Variants in HNF1A observed in about 807,000 individuals in gnomAD.
HNF1A encodes the protein HNF1 homeobox A, also known as hepatocyte nuclear factor 1-alpha.
In HNF1A, 21 loss-of-function variants were observed where a neutral mutation model predicts 62.2. The observed-to-expected ratio is 0.34, with a 90% CI of 0.24 to 0.49. HNF1A has a LOEUF of 0.49. Among genes scored for constraint, HNF1A ranks in the 20% least tolerant of loss-of-function variants. The probability of loss-of-function intolerance (pLI) is 0.99; values close to 1 mark genes in which losing one functional copy is unlikely to be tolerated. For synonymous variants in HNF1A, 374 were observed against 366.8 expected (o/e 1.02, Z -0.22); for missense variants, 687 against 832.3 (o/e 0.83, Z 2.15).
rs1876085960 is a variant in HNF1A at position 120,978,837 on chromosome 12, A to G, written c.69A>G (p.Lys23=). ...LAALLESGLS[K]EALIQALGEP... is the part of the protein sequence containing the mutation. Reference sequence around the variant, plus strand: ...CCCTGCTCGAGTCAGGGCTGAGCAAAGAGGCACTGATCCAGGCACTGGGTG... The same window carrying G: ...CCCTGCTCGAGTCAGGGCTGAGCAAGGAGGCACTGATCCAGGCACTGGGTG... Residue 23 remains lysine, a synonymous_variant, in exon 1 of 10, where the codon AAA becomes AAG. Coordinates refer to ENST00000257555, the MANE Select transcript of HNF1A (RefSeq NM_000545.8). 1 of 1,613,272 alleles carries G rather than the reference A, an allele frequency of 6.2e-7. No individual in the cohort carries two copies. The highest frequency in any genetic ancestry group is 8.5e-7 in the Non-Finnish European group (1 of 1,179,844).
chr12:120,978,569 G>A lies in HNF1A; in HGVS notation c.-200G>A. ...GCTCCAATGTAAACAGAACAGGCAG[G>A]GGCCCTGATTCACGGGCCGCTGGGG... On this transcript the variant is annotated 5_prime_UTR_variant, in exon 1 of 10. Coordinates refer to ENST00000257555, the MANE Select transcript of HNF1A (RefSeq NM_000545.8). The A allele has an allele frequency of 3.1e-6, 2 of 642,528 alleles. No homozygotes were observed. The highest frequency in any genetic ancestry group is 2.7e-5 in the East Asian group (1 of 36,660). The allele number at this position is 642,528 out of a possible 1,614,324, so 39.8% of individuals were successfully genotyped here.
Position 120,978,923 on chromosome 12 carries a change from G to A in HNF1A, c.155G>A (p.Gly52Asp). The A allele has an allele frequency of 6.2e-7, 1 of 1,611,216 alleles. No homozygotes were observed. Among genetic ancestry groups the A allele is most frequent in the East Asian group, 2.2e-5 (1 of 44,812 alleles). ...GPLDKGESCG[G>D]GRGELAELPN... is the part of the protein sequence containing the mutation. The stretch of plus-strand genomic sequence containing the variant: ...CTGGACAAGGGGGAGTCCTGCGGCG[G>A]CGGTCGAGGGGAGCTGGCTGAGCTG... The change falls in exon 1 of 10, where the codon GGC (glycine) becomes GAC (aspartate). Residue 52 changes from glycine (G) to aspartate (D), a missense_variant. Physicochemically the swap from Gly to Asp is moderately conservative, Grantham distance 94. This residue lies in a region of HNF1A where 159 missense variants were observed against 154.4 expected (regional missense o/e 1.03). Coordinates refer to ENST00000257555, the MANE Select transcript of HNF1A (RefSeq NM_000545.8).
At chr12:120,990,626 GAGGAAAGATAGGAAAGGGAGGAAAGGT>G (rs775747663) in intron 2 of HNF1A, among the ~76,000 whole-genome samples, 14,433 of 146,812 alleles carry the variant, frequency 0.098, 1,012 homozygotes, top group Admixed American at 0.24. Flanking sequence ...ATAGGAAAGG[GAGGAAAGATAGGAAAGGGAGGAAAGGT>G]AGGAAAGGGA....
In HNF1A at chr12:121,001,630, G is replaced by A. The variant is rs1169310; in HGVS notation, c.*438G>A. The A allele has an allele frequency of 0.37, 163,382 of 441,510 alleles. 32,923 individuals are homozygous for A. Among genetic ancestry groups the A allele is most frequent in the Middle Eastern group, 0.57 (1,764 of 3,104 alleles). 27.3% of individuals were successfully genotyped at this position (441,510 alleles called of 1,614,324 possible). A position where few individuals can be genotyped will look rare whatever the true frequency, so the allele number is the denominator to read the frequency against. On this transcript the variant is annotated 3_prime_UTR_variant, in exon 10 of 10. Coordinates refer to ENST00000257555, the MANE Select transcript of HNF1A (RefSeq NM_000545.8). ...GACCTGCTGAGCTCTGAGAGGCCCT[G>A]GATCAGCGTGGCCTTGTTCTGTCAC...
chr12:120,982,420 T>C (rs113070337), intron 1 of HNF1A, among the ~76,000 whole-genome samples: 88 of 151,848 alleles, frequency 5.8e-4, no homozygotes, highest in African/African-American at 2.0e-3. Context: ...TCAGGCAGCA[T>C]CAGGGCACTG....
At chr12:120,997,771 C>G (rs1220485361) in intron 7 of HNF1A, 106 bp downstream of exon 7, 1 of 1,207,212 alleles carries the variant, frequency 8.3e-7, no homozygotes, top group Non-Finnish European at 1.2e-6. Context: ...GCATGTGTCT[C>G]TGGGACAAGT....
At chr12:120,984,981 T>C (rs554340704) in intron 1 of HNF1A, among the ~76,000 whole-genome samples, 41 of 148,440 alleles carry the variant, frequency 2.8e-4, no homozygotes, top group African/African-American at 9.8e-4. Flanking sequence ...GATTTCACTC[T>C]GTCGCCAAGG....
chr12:120,996,922 C>CA lies in HNF1A; in HGVS notation c.1309+184dup, dbSNP rs201039488. The CA allele has an allele frequency of 4.5e-3, 6,765 of 1,506,614 alleles. 58 individuals carry two copies. Among genetic ancestry groups the CA allele is most frequent in the Non-Finnish European group, 4.0e-3 (4,431 of 1,108,358 alleles). The allele number at this position is 1,506,614 out of a possible 1,614,324, so 93.3% of individuals were successfully genotyped here. On this transcript the variant is annotated intron_variant, in intron 6 of 9. Coordinates refer to ENST00000257555, the MANE Select transcript of HNF1A (RefSeq NM_000545.8). This position sits in a 1 kb window ranked among gnomAD's most constrained non-coding sequence, Gnocchi z 4.5. ...TGATACCTGGGTGAACCAAACAGAC[C>CA]AAAATCTCAGCAACTCAAGCAGGGA...
intron 9 of HNF1A, 66 bp downstream of exon 9, chr12:120,999,693 T>C: frequency 6.4e-7 from 1 of 1,550,988 alleles, no homozygotes; most frequent in Non-Finnish European, 8.7e-7. Context: ...GTCCCACCCC[T>C]TCTGTTGCTG....
In HNF1A at chr12:120,993,137, C is replaced by T. The variant is rs568774649; in HGVS notation, c.527-383C>T. Among the ~76,000 whole-genome samples the T allele has an allele frequency of 2.1e-3, 316 of 152,296 alleles. 3 individuals are homozygous for T. Among genetic ancestry groups the T allele is most frequent in the Middle Eastern group, 0.014 (4 of 294 alleles). On this transcript the variant is annotated intron_variant, in intron 2 of 9. Transcript: ENST00000257555. ...TATGGCTCAAATTTTTGCTCTACTGCGTGACTCTGGAAAAATATGTAAGCT... is the reference window on the plus strand; with the variant it reads ...TATGGCTCAAATTTTTGCTCTACTGTGTGACTCTGGAAAAATATGTAAGCT...
At chr12:120,985,759 T>C (rs1339641141) in intron 1 of HNF1A, among the ~76,000 whole-genome samples, 2 of 149,882 alleles carry the variant, frequency 1.3e-5, no homozygotes, top group Non-Finnish European at 3.0e-5. Context: ...CCAAGGCAGA[T>C]GGATCACCTG....
At chr12:120,989,097 TG>T (rs1407765583) in intron 2 of HNF1A, 65 bp downstream of exon 2, 10 of 1,512,598 alleles carry the variant, frequency 6.6e-6, no homozygotes, top group South Asian at 1.2e-5. Context: ...AACTCATAGG[TG>T]GGGGCTGGAA....
At chr12:120,988,343 C>A (rs1876629649) in intron 1 of HNF1A, among the ~76,000 whole-genome samples, 1 of 151,774 alleles carries the variant, frequency 6.6e-6, no homozygotes. Context: ...ATCTGTCCAT[C>A]CACTCTACCC....
rs762726631 is a variant in HNF1A, at chr12:120,978,996, C to T, written c.228C>T (p.Asp76=). 6.2e-6 allele frequency: 10 copies of T among 1,609,072 alleles called. No individual in the cohort carries two copies. The highest frequency in any genetic ancestry group is 3.4e-5 in the Admixed American group (2 of 59,014). ...GGGGCTCCGAGGACGAGACGGACGA[C>T]GATGGGGAAGACTTCACGCCACCCA... The part of the protein sequence containing the change: ...ETRGSEDETD[D]DGEDFTPPIL... Residue 76 remains aspartate, a synonymous_variant, in exon 1 of 10, where the codon GAC becomes GAT. Coordinates refer to ENST00000257555, the MANE Select transcript of HNF1A (RefSeq NM_000545.8).
chr12:120,991,127 T>C (rs188128011), intron 2 of HNF1A, among the ~76,000 whole-genome samples: 1 of 152,302 alleles, frequency 6.6e-6, no homozygotes, highest in African/African-American at 2.4e-5. Context: ...CATCCTTCTT[T>C]ATATAAGTGC....
intron 1 of HNF1A, among the ~76,000 whole-genome samples, chr12:120,983,506 T>C (rs997944213): frequency 1.3e-5 from 2 of 151,956 alleles, no homozygotes; most frequent in African/African-American, 4.8e-5. Flanking sequence ...AAGCAGGAGA[T>C]GCCTGGAGAC....
Position 121,001,642 on chromosome 12 carries a change from C to T in HNF1A, c.*450C>T, listed in dbSNP as rs1016084722. The T allele has an allele frequency of 8.9e-6, 4 of 448,138 alleles. No homozygotes were observed. The highest frequency in any genetic ancestry group is 1.7e-5 in the Non-Finnish European group (4 of 233,620). 27.8% of individuals were successfully genotyped at this position (448,138 alleles called of 1,614,324 possible). A position where few individuals can be genotyped will look rare whatever the true frequency, so the allele number is the denominator to read the frequency against. ...TCTGAGAGGCCCTGGATCAGCGTGG[C>T]CTTGTTCTGTCACCAATGTACCCAC... On this transcript the variant is annotated 3_prime_UTR_variant, in exon 10 of 10. Coordinates refer to ENST00000257555, the MANE Select transcript of HNF1A (RefSeq NM_000545.8).
intron 2 of HNF1A, among the ~76,000 whole-genome samples, chr12:120,990,291 G>A (rs909565755): frequency 1.2e-4 from 19 of 152,118 alleles, no homozygotes; most frequent in Admixed American, 2.6e-4. Flanking sequence ...ACAGGTGCCC[G>A]CCACCACGCC....
Position 121,001,313 on chromosome 12 carries a change from C to A in HNF1A, c.*121C>A. The A allele has an allele frequency of 8.3e-7, 1 of 1,211,026 alleles. No homozygotes were observed. Among genetic ancestry groups the A allele is most frequent in the Non-Finnish European group, 1.2e-6 (1 of 852,256 alleles). 75.0% of individuals were successfully genotyped at this position (1,211,026 alleles called of 1,614,324 possible). A position where few individuals can be genotyped will look rare whatever the true frequency, so the allele number is the denominator to read the frequency against. On this transcript the variant is annotated 3_prime_UTR_variant, in exon 10 of 10. Transcript: ENST00000257555. ...CCGTGGCCCTTCCTGGACAGCTGTG[C>A]CTCGCTCCCCACTCTGCTCTGATGC...
Sources: gnomAD v4.1 joint callset for allele counts (sites outside exome capture counted in the v4.1 genomes callset) on GRCh38, gnomAD v4.1.1 for gene constraint, gnomAD v4.1.1 regional missense constraint, Gnocchi (gnomAD v3.1) non-coding constraint, MANE v1.5 for transcripts, NCBI Gene and HGNC (gene_info 2026-07-23, HGNC 2026-07-21) for gene names.